The following OBSL1 variants were observed in gnomAD, a reference collection of about 807,000 sequenced individuals.
OBSL1 encodes obscurin like cytoskeletal adaptor 1.
In OBSL1, 160 loss-of-function variants were observed where a neutral mutation model predicts 172.0. The observed-to-expected ratio is 0.93, with a 90% confidence interval of 0.82 to 1.06. The LOEUF (loss-of-function observed/expected upper bound fraction) is 1.06, where lower values mean the gene tolerates loss of function less well. OBSL1 is among the 50% of genes least tolerant of loss of function. The pLI, the probability that OBSL1 is intolerant of heterozygous loss-of-function variation, is 0.00. For synonymous variants in OBSL1, 1,200 were observed against 1,196.3 expected (o/e 1.00, Z -0.06); for missense variants, 2,681 against 2,715.4 (o/e 0.99, Z 0.28).
At chr2:219,558,996 G>A (rs1285720890) in intron 9 of OBSL1, 8 of 533,016 alleles carry the variant, frequency 1.5e-5, no homozygotes, top group Non-Finnish European at 2.7e-5. Flanking sequence ...GTTGCTCAAT[G>A]AGTATTGAAC....
chr2:219,554,213 A>G (rs993373972), intron 15 of OBSL1: 1 of 559,316 alleles, frequency 1.8e-6, no homozygotes, highest in African/African-American at 1.9e-5. Context: ...CAGTGACCAC[A>G]ATGGCAAAGG....
chr2:219,570,852 G>A lies in OBSL1; in HGVS notation c.381C>T (p.Ala127=). The change falls in exon 1 of 21, where the codon GCC becomes GCT. Residue 127 remains alanine, a synonymous_variant. Coordinates refer to ENST00000404537, the MANE Select transcript of OBSL1 (RefSeq NM_015311.3). The part of the protein sequence containing the change: ...PLPSPGSGEG[A]PVFLTGPRSQ... The stretch of plus-strand genomic sequence containing the variant: ...ATCGAGGCCCCGTGAGGAAGACCGG[G>A]GCGCCCTCCCCGGACCCCGGCGATG... 3.5e-6 allele frequency: 5 copies of A among 1,437,722 alleles called. No homozygotes were observed. The highest frequency in any genetic ancestry group is 4.6e-6 in the Non-Finnish European group (5 of 1,097,428). 89.1% of individuals were successfully genotyped at this position (1,437,722 alleles called of 1,614,324 possible). A position where few individuals can be genotyped will look rare whatever the true frequency, so the allele number is the denominator to read the frequency against.
intron 16 of OBSL1, 51 bp from the exon 17 acceptor site, chr2:219,553,075 G>A (rs1239198092): frequency 7.1e-7 from 1 of 1,415,272 alleles, no homozygotes; most frequent in Non-Finnish European, 9.1e-7. Context: ...GGGCACAGGC[G>A]ACCCCGGCCC....
chr2:219,555,110 C>T (rs1227040451), intron 14 of OBSL1: 1 of 246,618 alleles, frequency 4.1e-6, no homozygotes, highest in African/African-American at 2.2e-5. Flanking sequence ...AATGGCCTGA[C>T]CTCTCTGGAC....
rs747020402 is a variant in OBSL1, at chr2:219,571,274, AG to A, written c.-43del. ...CTGCAGCGGCGAACGGTGGGGGGGC[AG>A]GGGGGGGTGCGGAGGGCGAGCCGAG... On this transcript the variant is annotated 5_prime_UTR_variant, in exon 1 of 21. Coordinates refer to ENST00000404537, the MANE Select transcript of OBSL1 (RefSeq NM_015311.3). 9,369 of 496,536 alleles carry A rather than the reference AG, an allele frequency of 0.019. 19 individuals are homozygous for A. The highest frequency in any genetic ancestry group is 0.027 in the East Asian group (350 of 12,934). The allele number at this position is 496,536 out of a possible 1,614,324, so 30.8% of individuals were successfully genotyped here.
At chr2:219,549,800 G>C, downstream of OBSL1, 1 of 1,614,154 alleles carries the variant, frequency 6.2e-7, no homozygotes, top group African/African-American at 1.3e-5. Context: ...CGGACTATGA[G>C]TATGGGTCCC....
chr2:219,557,447 C>T lies in OBSL1; in HGVS notation c.3962G>A (p.Gly1321Glu). Reference protein sequence around the residue: ...SQGRVQLEQAGARQVLRVQGA... With the variant: ...SQGRVQLEQAEARQVLRVQGA... Reference sequence around the variant, plus strand: ...CTGCACCCGCAGCACCTGCCTGGCCCCGGCCTGCTCCAGCTGCACCCGCCC... The same window carrying T: ...CTGCACCCGCAGCACCTGCCTGGCCTCGGCCTGCTCCAGCTGCACCCGCCC... The change falls in exon 12 of 21, where the codon GGG becomes GAG. Residue 1321 changes from glycine to glutamate, a missense_variant. This residue lies in a region of OBSL1 where 1,765 missense variants were observed against 1,748.3 expected (regional missense o/e 1.01). Transcript: ENST00000404537. 1.3e-6 allele frequency: 2 copies of T among 1,548,706 alleles called. No homozygotes were observed. The highest frequency in any genetic ancestry group is 2.4e-5 in the South Asian group (2 of 84,058).
At position 219,568,049 on chromosome 2, in the gene OBSL1, G is replaced by T; in HGVS notation, c.1282+6C>A. The T allele has an allele frequency of 6.2e-7, 1 of 1,608,788 alleles. No individual in the cohort carries two copies. Among genetic ancestry groups the T allele is most frequent in the South Asian group, 1.1e-5 (1 of 91,028 alleles). On this transcript the variant is annotated splice_donor_region_variant and intron_variant, in intron 2 of 20. Transcript: ENST00000404537. The surrounding 1 kb of genome is among the most constrained non-coding windows in gnomAD (Gnocchi z 4.1). ...GCCTCAGCCTCTTCCCCACGGGCCA[G>T]CTGACCTTTGACTGTGACGTTGGCC...
Position 219,565,487 on chromosome 2 carries a change from TG to T in OBSL1, c.2161del (p.Gln721ArgfsTer6). ...QESPVHILSP[Q>X]DRVSLTFTTS... Reference sequence around the variant, plus strand: ...TGTGAAGGTCAACGACACCCTGTCCTGGGGGCTCAGGATGTGCACCGGGCTC... The same window carrying T: ...TGTGAAGGTCAACGACACCCTGTCCTGGGGCTCAGGATGTGCACCGGGCTC... On this transcript the variant is annotated frameshift_variant, in exon 6 of 21. Coordinates refer to ENST00000404537, the MANE Select transcript of OBSL1 (RefSeq NM_015311.3). LOFTEE classifies it high-confidence loss of function. 1.9e-6 allele frequency: 3 copies of T among 1,609,876 alleles called. No homozygotes were observed. Among genetic ancestry groups the T allele is most frequent in the Non-Finnish European group, 1.7e-6 (2 of 1,179,822 alleles).
Position 219,550,763 on chromosome 2 carries a change from AC to A in OBSL1, c.*71del. 6.4e-7 allele frequency: 1 copy of A among 1,567,164 alleles called. No individual in the cohort carries two copies. Among genetic ancestry groups the A allele is most frequent in the Non-Finnish European group, 8.7e-7 (1 of 1,150,484 alleles). On this transcript the variant is annotated 3_prime_UTR_variant, in exon 21 of 21. Coordinates refer to ENST00000404537, the MANE Select transcript of OBSL1 (RefSeq NM_015311.3). ...CACTTTTATTGTTCCTTGTCTCTCT[AC>A]CCCTGCCCAGGGTAAGGGCAAACGC... is the stretch of plus-strand genomic sequence containing the variant.
At chr2:219,549,924 T>C (rs1251389944), downstream of OBSL1, 2 of 1,567,998 alleles carry the variant, frequency 1.3e-6, no homozygotes, top group Non-Finnish European at 1.7e-6. Context: ...AGGCTGCCAC[T>C]CAGCCTCCTG....
At chr2:219,550,618 C>T (rs564226940), downstream of OBSL1, 1 of 589,060 alleles carries the variant, frequency 1.7e-6, no homozygotes, top group Non-Finnish European at 2.9e-6. Flanking sequence ...GTGGCTGGCA[C>T]TTTCATGGGC....
chr2:219,563,004 TG>T, intron 7 of OBSL1: 1 of 469,310 alleles, frequency 2.1e-6, no homozygotes, highest in Non-Finnish European at 3.8e-6. Flanking sequence ...GGGGAGGAGC[TG>T]GGGGTCTCCT....
intron 6 of OBSL1, 24 bp from the exon 7 acceptor site, chr2:219,563,651 T>C: frequency 1.2e-6 from 2 of 1,603,642 alleles, no homozygotes; most frequent in Non-Finnish European, 1.7e-6. Flanking sequence ...AGAGATGGCA[T>C]TGCACAGACA....
chr2:219,569,240 A>C (rs1364038002), intron 1 of OBSL1: 2 of 152,168 alleles, frequency 1.3e-5, no homozygotes, highest in Non-Finnish European at 2.9e-5. Context: ...CCAGATCAGC[A>C]CCAACCTGAT....
At position 219,567,004 on chromosome 2, in the gene OBSL1, G is replaced by T; in HGVS notation, c.1960C>A (p.Leu654Ile). 1.2e-6 allele frequency: 2 copies of T among 1,613,764 alleles called. No individual in the cohort carries two copies. The highest frequency in any genetic ancestry group is 1.7e-6 in the Non-Finnish European group (2 of 1,179,896). The change falls in exon 5 of 21, where the codon CTC (leucine) becomes ATC (isoleucine). Residue 654 changes from leucine to isoleucine, a missense_variant. Coordinates refer to ENST00000404537, the MANE Select transcript of OBSL1 (RefSeq NM_015311.3). ...QGTWFLNGEE[L>I]KSNEPEGQVE... ...TGGCCCTCCGGCTCGTTACTCTTGA[G>T]CTCTTCCCCATTAAGGAACCAGGTA... is the stretch of plus-strand genomic sequence containing the variant.
chr2:219,550,043 C>A, downstream of OBSL1: 1 of 742,944 alleles, frequency 1.3e-6, no homozygotes, highest in Non-Finnish European at 2.1e-6. Context: ...CCCAAGCTCC[C>A]AAGAGGCTCC....
At position 219,562,401 on chromosome 2, in the gene OBSL1, C is replaced by A; in HGVS notation, c.2953+1G>T. 1 of 1,613,054 alleles carries A rather than the reference C, an allele frequency of 6.2e-7. No homozygotes were observed. The highest frequency in any genetic ancestry group is 8.5e-7 in the Non-Finnish European group (1 of 1,179,386). ...CCCGGGGAGCTGGGCTGGGCCCACA[C>A]CTGTGACGGTGACAGTGAAGGAGGC... On this transcript the variant is annotated splice_donor_variant, in intron 8 of 20. Coordinates refer to ENST00000404537, the MANE Select transcript of OBSL1 (RefSeq NM_015311.3). LOFTEE classifies it high-confidence loss of function.
intron 15 of OBSL1, chr2:219,554,192 C>T (rs1559134852): frequency 1.1e-5 from 6 of 524,474 alleles, no homozygotes; most frequent in South Asian, 6.8e-5. Context: ...GGTGTGCAGG[C>T]GGGCAGACAG....
Sources: gnomAD v4.1 joint callset for allele counts on GRCh38, gnomAD v4.1.1 for gene constraint, gnomAD v4.1.1 regional missense constraint, Gnocchi (gnomAD v3.1) non-coding constraint, MANE v1.5 for transcripts, NCBI Gene and HGNC (gene_info 2026-07-23, HGNC 2026-07-21) for gene names.